Variants in KIF1A observed in about 807,000 individuals in gnomAD.
KIF1A encodes kinesin family member 1A, also known as kinesin-like protein KIF1A.
A neutral mutation model predicts 227.3 loss-of-function variants in KIF1A; 46 were observed. That is an observed-to-expected ratio of 0.20 (90% CI 0.16 to 0.26). KIF1A has a LOEUF of 0.26. KIF1A is among the 10% of genes least tolerant of loss of function. KIF1A has a pLI of 1.00. For synonymous variants in KIF1A, 1,022 were observed against 1,012.8 expected, an observed-to-expected ratio of 1.01 and a Z score of -0.17; for missense variants, 1,683 against 2,485.9, an observed-to-expected ratio of 0.68 and a Z score of 6.87.
intron 2 of KIF1A, among the ~76,000 whole-genome samples, chr2:240,797,022 C>T (rs1302067180): frequency 1.3e-5 from 2 of 152,236 alleles, no homozygotes; most frequent in South Asian, 2.1e-4. Flanking sequence ...CATGTCACCA[C>T]TCAGTGCAGC....
chr2:240,775,809 G>A lies in KIF1A; in HGVS notation c.958+42C>T. On this transcript the variant is annotated intron_variant, in intron 11 of 48. Coordinates refer to ENST00000498729, the MANE Select transcript of KIF1A (RefSeq NM_001244008.2). This position sits in a 1 kb window ranked among gnomAD's most constrained non-coding sequence, Gnocchi z 5.5. Reference sequence around the variant, plus strand: ...GGGGAAGAAGGGCACAGCCCAGGGTGGGATCAGAGCCCTGGGGACAGGCAA... The same window carrying A: ...GGGGAAGAAGGGCACAGCCCAGGGTAGGATCAGAGCCCTGGGGACAGGCAA... 2.3e-6 allele frequency: 3 copies of A among 1,310,174 alleles called. No individual in the cohort carries two copies. In the South Asian group the frequency reaches 3.5e-5, roughly 15 times the overall value. The allele number at this position is 1,310,174 out of a possible 1,614,324, so 81.2% of individuals were successfully genotyped here. A position where few individuals can be genotyped will look rare whatever the true frequency, so the allele number is the denominator to read the frequency against.
intron 38 of KIF1A, among the ~76,000 whole-genome samples, chr2:240,727,451 C>T (rs1302910654): frequency 6.6e-6 from 1 of 152,162 alleles, no homozygotes; most frequent in Non-Finnish European, 1.5e-5. Context: ...TCTCCCTGGA[C>T]CTGAAGGGGA....
intron 1 of KIF1A, among the ~76,000 whole-genome samples, chr2:240,813,564 G>C (rs2058113653): frequency 6.6e-6 from 1 of 152,202 alleles, no homozygotes; most frequent in Non-Finnish European, 1.5e-5. Context: ...GAAGCCTTCA[G>C]TGAGCTGAAG....
rs772785242 is a variant in KIF1A, at chr2:240,763,252, C to T, written c.1863G>A (p.Thr621=). 161 of 1,612,566 alleles carry T rather than the reference C, an allele frequency of 1.0e-4. No individual in the cohort carries two copies. Among genetic ancestry groups the T allele is most frequent in the South Asian group, 3.9e-4 (35 of 90,838 alleles). ...QERERTPCAE[T]PAEPVDWAFA... is the part of the protein sequence containing the mutation. ...AGGCCCAGTCCACAGGCTCAGCTGGCGTCTCCGCACAAGGCGTGCGCTCAC... is the reference window on the plus strand; with the variant it reads ...AGGCCCAGTCCACAGGCTCAGCTGGTGTCTCCGCACAAGGCGTGCGCTCAC... The change falls in exon 21 of 49, where the codon ACG becomes ACA. Residue 621 remains threonine, a synonymous_variant. Transcript: ENST00000498729.
At chr2:240,803,262 C>T (rs2057121757) in intron 1 of KIF1A, among the ~76,000 whole-genome samples, 1 of 152,216 alleles carries the variant, frequency 6.6e-6, no homozygotes, top group Non-Finnish European at 1.5e-5. Context: ...TAAAGCCGGA[C>T]TGACGAGGAA....
At chr2:240,769,539 G>C (rs922545442) in intron 16 of KIF1A, 88 bp downstream of exon 16, 2 of 1,100,084 alleles carry the variant, frequency 1.8e-6, no homozygotes, top group Middle Eastern at 2.5e-4. Flanking sequence ...CCCAGCACTG[G>C]AGGGCAGGGC....
chr2:240,771,248 A>G lies in KIF1A; in HGVS notation c.1208-144T>C, dbSNP rs1031313015. 5.1e-6 allele frequency: 5 copies of G among 971,912 alleles called. No individual in the cohort carries two copies. In the Admixed American group the frequency reaches 1.2e-4, roughly 23 times the overall value. The allele number at this position is 971,912 out of a possible 1,614,324, so 60.2% of individuals were successfully genotyped here. ...GAGAGAAAAAAGATGAAGATGGGAA[A>G]AAGTAAGAGATGGGGCCCAGAGAAG... On this transcript the variant is annotated intron_variant, in intron 14 of 48. Coordinates refer to ENST00000498729, the MANE Select transcript of KIF1A (RefSeq NM_001244008.2).
rs546139642 is a variant in KIF1A, at chr2:240,793,379, G to A, written c.107-4067C>T. Among the ~76,000 whole-genome samples, 1 of 152,342 alleles carries A rather than the reference G, an allele frequency of 6.6e-6. No homozygotes were observed. The highest frequency in any genetic ancestry group is 1.9e-4 in the East Asian group (1 of 5,188). On this transcript the variant is annotated intron_variant, in intron 2 of 48. Transcript: ENST00000498729. The surrounding 1 kb of genome is among the most constrained non-coding windows in gnomAD (Gnocchi z 4.8). ...GGCCCAAAGGGATGCCCTCTAGCCA[G>A]TGTCACACAGCGAGTAAGTCATGAG...
chr2:240,821,200 A>G (rs1453091549), upstream of KIF1A, among the ~76,000 whole-genome samples: 1 of 152,168 alleles, frequency 6.6e-6, no homozygotes, highest in Admixed American at 6.5e-5. Flanking sequence ...CCTCCAGCCC[A>G]GCCCCTGCCA....
rs970475522 is a variant in KIF1A, at chr2:240,775,774, C to T, written c.958+77G>A. 7.2e-6 allele frequency: 7 copies of T among 976,176 alleles called. No individual in the cohort carries two copies. In the African/African-American group the frequency reaches 8.0e-5, roughly 11 times the overall value. 60.5% of individuals were successfully genotyped at this position (976,176 alleles called of 1,614,324 possible). Reference sequence around the variant, plus strand: ...TGAGAGGCCTGCTGGCGACTGGGCACCCCCTCAGTGGGGAAGAAGGGCACA... The same window carrying T: ...TGAGAGGCCTGCTGGCGACTGGGCATCCCCTCAGTGGGGAAGAAGGGCACA... On this transcript the variant is annotated intron_variant, in intron 11 of 48. Coordinates refer to ENST00000498729, the MANE Select transcript of KIF1A (RefSeq NM_001244008.2). The surrounding 1 kb of genome is among the most constrained non-coding windows in gnomAD (Gnocchi z 5.5).
intron 10 of KIF1A, among the ~76,000 whole-genome samples, chr2:240,776,816 C>A (rs1448039072): frequency 6.6e-6 from 1 of 152,158 alleles, no homozygotes; most frequent in South Asian, 2.1e-4. Context: ...CATCATTGTT[C>A]TTGAAGACAA....
rs1255681800 is a variant in KIF1A, at chr2:240,778,438, C to T, written c.883-2512G>A. Reference sequence around the variant, plus strand: ...TCCTCCAACATTTCCTAACACGGCTCCCCACGGGAGGCCTCACACGATCCT... The same window carrying T: ...TCCTCCAACATTTCCTAACACGGCTTCCCACGGGAGGCCTCACACGATCCT... On this transcript the variant is annotated intron_variant, in intron 10 of 48. Transcript: ENST00000498729. This position sits in a 1 kb window ranked among gnomAD's most constrained non-coding sequence, Gnocchi z 7.2. 6.6e-6 allele frequency among the ~76,000 whole-genome samples: 1 copy of T among 151,650 alleles called. No individual in the cohort carries two copies. Among genetic ancestry groups the T allele is most frequent in the African/African-American group, 2.4e-5 (1 of 41,178 alleles).
chr2:240,721,484 C>T (rs1345711375), intron 44 of KIF1A, among the ~76,000 whole-genome samples: 2 of 152,204 alleles, frequency 1.3e-5, no homozygotes, highest in Non-Finnish European at 2.9e-5. Context: ...CAAGTGGGAG[C>T]TTGACTGACT....
rs889679510 is a variant in KIF1A at position 240,775,764 on chromosome 2, C to A, written c.958+87G>T. The stretch of plus-strand genomic sequence containing the variant: ...CCAGAAAGGGTGAGAGGCCTGCTGG[C>A]GACTGGGCACCCCCTCAGTGGGGAA... On this transcript the variant is annotated intron_variant, in intron 11 of 48. Transcript: ENST00000498729. The surrounding 1 kb of genome is among the most constrained non-coding windows in gnomAD (Gnocchi z 5.5). The A allele has an allele frequency of 2.2e-6, 2 of 896,320 alleles. No individual in the cohort carries two copies. The highest frequency in any genetic ancestry group is 1.4e-5 in the South Asian group (1 of 72,638). 55.5% of individuals were successfully genotyped at this position (896,320 alleles called of 1,614,324 possible).
intron 1 of KIF1A, among the ~76,000 whole-genome samples, chr2:240,814,240 C>T (rs1575680355): frequency 1.3e-5 from 2 of 151,928 alleles, no homozygotes; most frequent in Admixed American, 6.6e-5. Context: ...TTACACCCGT[C>T]GACATGAAGT....
intron 46 of KIF1A, among the ~76,000 whole-genome samples, chr2:240,719,434 G>A (rs1238131407): frequency 1.3e-5 from 2 of 152,212 alleles, no homozygotes; most frequent in African/African-American, 4.8e-5. Context: ...AAAACTTAAA[G>A]AAATAAGCTA....
chr2:240,773,060 C>T, intron 13 of KIF1A, 54 bp downstream of exon 13: 8 of 1,533,680 alleles, frequency 5.2e-6, no homozygotes, highest in Non-Finnish European at 7.0e-6. Flanking sequence ...CTGCGAGGCC[C>T]CTGAGCCTGA....
At chr2:240,796,287 A>T (rs1204984972) in intron 2 of KIF1A, among the ~76,000 whole-genome samples, 1 of 152,192 alleles carries the variant, frequency 6.6e-6, no homozygotes, top group Non-Finnish European at 1.5e-5. Context: ...CCACCTGAGC[A>T]CTTTCTCCGA....
In KIF1A at chr2:240,752,398, C is replaced by G. The variant is rs377276971; in HGVS notation, c.2859-1851G>C. Among the ~76,000 whole-genome samples the G allele has an allele frequency of 6.6e-6, 1 of 152,096 alleles. No homozygotes were observed. Among genetic ancestry groups the G allele is most frequent in the East Asian group, 1.9e-4 (1 of 5,156 alleles). Reference sequence around the variant, plus strand: ...CTCCCCACAGTCCTGCTGGGTGCTCCGCAGGCAGGGACTCACCAGCATCCC... The same window carrying G: ...CTCCCCACAGTCCTGCTGGGTGCTCGGCAGGCAGGGACTCACCAGCATCCC... On this transcript the variant is annotated intron_variant, in intron 27 of 48. Coordinates refer to ENST00000498729, the MANE Select transcript of KIF1A (RefSeq NM_001244008.2). The surrounding 1 kb of genome is among the most constrained non-coding windows in gnomAD (Gnocchi z 6.4).
Sources: gnomAD v4.1 joint callset for allele counts (sites outside exome capture counted in the v4.1 genomes callset) on GRCh38, gnomAD v4.1.1 for gene constraint, Gnocchi (gnomAD v3.1) non-coding constraint, MANE v1.5 for transcripts, NCBI Gene and HGNC (gene_info 2026-07-23, HGNC 2026-07-21) for gene names.